Variants in TRMT6 observed in about 807,000 individuals in gnomAD.
TRMT6 encodes the protein tRNA (adenine(58)-N(1))-methyltransferase non-catalytic subunit TRM6.
TRMT6 carries 34 observed loss-of-function variants against 59.0 expected under a neutral mutation model. The observed-to-expected ratio is 0.58, with a 90% CI of 0.44 to 0.77. The LOEUF is 0.77. TRMT6 is among the 30% of genes least tolerant of loss of function. The pLI, the probability that TRMT6 is intolerant of heterozygous loss-of-function variation, is 0.00. For synonymous variants in TRMT6, 217 were observed against 210.5 expected, an observed-to-expected ratio of 1.03 and a Z score of -0.27; for missense variants, 575 against 604.5, an observed-to-expected ratio of 0.95 and a Z score of 0.51.
At chr20:5,947,757 T>TA (rs11428042) in intron 1 of TRMT6, among the ~76,000 whole-genome samples, 36,808 of 152,108 alleles carry the variant, frequency 0.24, 6,889 homozygotes, top group African/African-American at 0.52. Flanking sequence ...ACCTAGGTGC[T>TA]TTGAAACACT....
At chr20:5,942,843 C>A in intron 6 of TRMT6, 57 bp from the exon 7 acceptor site, 2 of 1,342,556 alleles carry the variant, frequency 1.5e-6, no homozygotes, top group South Asian at 2.6e-5. Context: ...ACTACGTAAA[C>A]CCTCAGTGAG....
intron 10 of TRMT6, among the ~76,000 whole-genome samples, chr20:5,938,935 T>C (rs1404309045): frequency 1.3e-5 from 2 of 148,790 alleles, no homozygotes; most frequent in Non-Finnish European, 3.0e-5. Context: ...TTCCTTCCTT[T>C]CTCTCTCTCT....
chr20:5,940,904 G>A (rs955726776), intron 10 of TRMT6, 149 bp downstream of exon 10: 5 of 660,306 alleles, frequency 7.6e-6, no homozygotes, highest in African/African-American at 3.6e-5. Flanking sequence ...CAAGCGATCT[G>A]CCTGCCTTGG....
chr20:5,946,491 G>C lies in TRMT6; in HGVS notation c.171C>G (p.Val57=). Residue 57 remains valine, a synonymous_variant, in exon 2 of 11, where the codon GTC becomes GTG. Transcript: ENST00000203001. ...ATGCAGTTCCATAACTATGGCCAATGACGTTATCCAGGTAGAACCACTGTT... is the reference window on the plus strand; with the variant it reads ...ATGCAGTTCCATAACTATGGCCAATCACGTTATCCAGGTAGAACCACTGTT... ...FEKQWFYLDN[V]IGHSYGTAFE... 6.2e-7 allele frequency: 1 copy of C among 1,614,094 alleles called. No individual in the cohort carries two copies. The highest frequency in any genetic ancestry group is 1.1e-5 in the South Asian group (1 of 91,080).
intron 1 of TRMT6, among the ~76,000 whole-genome samples, chr20:5,948,130 CA>C (rs2088723828): frequency 6.6e-6 from 1 of 152,106 alleles, no homozygotes; most frequent in Admixed American, 6.5e-5. Flanking sequence ...ACAAAACAAA[CA>C]AACAGACAAA....
At chr20:5,946,639 A>T (rs1407596174) in intron 1 of TRMT6, 106 bp from the exon 2 acceptor site, 1 of 1,007,854 alleles carries the variant, frequency 9.9e-7, no homozygotes, top group Non-Finnish European at 1.5e-6. Context: ...ATGGATGATC[A>T]GCAGCATTAT....
rs1474534700 is a variant in TRMT6 at position 5,942,772 on chromosome 20, T to C, written c.682A>G (p.Ile228Val). Reference protein sequence around the residue: ...MERMGGFGSIIQLYPGGGPVR... With the variant: ...MERMGGFGSIVQLYPGGGPVR... ...GGTCCTCCTCCAGGGTATAGCTGAATAATGGAGCCAAAACCTGAACAGATA... is the reference window on the plus strand; with the variant it reads ...GGTCCTCCTCCAGGGTATAGCTGAACAATGGAGCCAAAACCTGAACAGATA... The change falls in exon 7 of 11, where the codon ATT becomes GTT. Residue 228 changes from isoleucine to valine, a missense_variant. Physicochemically the swap from Ile to Val is conservative, Grantham distance 29. Coordinates refer to ENST00000203001, the MANE Select transcript of TRMT6 (RefSeq NM_015939.5). The C allele has an allele frequency of 1.2e-6, 2 of 1,612,540 alleles. No individual in the cohort carries two copies. The highest frequency in any genetic ancestry group is 2.7e-5 in the African/African-American group (2 of 74,640).
chr20:5,940,209 C>A (rs893393968), intron 10 of TRMT6, among the ~76,000 whole-genome samples: 1 of 152,234 alleles, frequency 6.6e-6, no homozygotes, highest in African/African-American at 2.4e-5. Flanking sequence ...CACCACCAAT[C>A]TTGCTCCCTC....
rs2088628255 is a variant in TRMT6, at chr20:5,938,620, A to G, written c.1409T>C (p.Leu470Pro). The G allele has an allele frequency of 6.2e-7, 1 of 1,614,078 alleles. No individual in the cohort carries two copies. The highest frequency in any genetic ancestry group is 1.3e-5 in the African/African-American group (1 of 74,916). ...TTCTAAAGTGCTTGCATTAGATTTG[A>G]GGCTGGTGTCTGCTTTAAGGTTGTC... ...AMDNLKADTS[L>P]KSNASTLESH... is the part of the protein sequence containing the mutation. The change falls in exon 11 of 11, where the codon CTC (leucine) becomes CCC (proline). Residue 470 changes from leucine (L) to proline (P), a missense_variant. Coordinates refer to ENST00000203001, the MANE Select transcript of TRMT6 (RefSeq NM_015939.5).
rs1383835195 is a variant in TRMT6 at position 5,938,681 on chromosome 20, C to T, written c.1348G>A (p.Gly450Arg). The stretch of plus-strand genomic sequence containing the variant: ...GTGAAGCCGGAGAGAAGATAACCCC[C>T]ACCTCCACTCATCAGCAGTTTAGGA... ...SHPKLLMSGG[G>R]GYLLSGFTVA... Residue 450 changes from glycine (G) to arginine (R), a missense_variant, in exon 11 of 11, where the codon GGG (glycine) becomes AGG (arginine). Gly to Arg is a moderately radical substitution (Grantham distance 125, BLOSUM62 -2). Coordinates refer to ENST00000203001, the MANE Select transcript of TRMT6 (RefSeq NM_015939.5). 6.2e-7 allele frequency: 1 copy of T among 1,614,210 alleles called. No homozygotes were observed. The highest frequency in any genetic ancestry group is 8.5e-7 in the Non-Finnish European group (1 of 1,180,036).
Position 5,944,146 on chromosome 20 carries a change from A to G in TRMT6, c.458+16T>C. On this transcript the variant is annotated intron_variant, in intron 4 of 10. Coordinates refer to ENST00000203001, the MANE Select transcript of TRMT6 (RefSeq NM_015939.5). ...AAGTTTAATATTGTGGGCCTTTTAAAATAAAAACTACTTACTTTTTTTTCT... is the reference window on the plus strand; with the variant it reads ...AAGTTTAATATTGTGGGCCTTTTAAGATAAAAACTACTTACTTTTTTTTCT... The G allele has an allele frequency of 1.4e-6, 2 of 1,433,316 alleles. No individual in the cohort carries two copies. The highest frequency in any genetic ancestry group is 2.8e-5 in the South Asian group (2 of 71,252). The allele number at this position is 1,433,316 out of a possible 1,614,324, so 88.8% of individuals were successfully genotyped here.
Position 5,946,393 on chromosome 20 carries a change from C to T in TRMT6, c.256+13G>A, listed in dbSNP as rs755979066. 15 of 1,614,076 alleles carry T rather than the reference C, an allele frequency of 9.3e-6. 1 individual carries two copies. In the South Asian group the frequency reaches 1.6e-4, roughly 18 times the overall value. On this transcript the variant is annotated intron_variant, in intron 2 of 10. Coordinates refer to ENST00000203001, the MANE Select transcript of TRMT6 (RefSeq NM_015939.5). Reference sequence around the variant, plus strand: ...GTTGGAGAGCATCTATTTCACGCATCCAAAATGTGCACCTGCAGTAGGCTC... The same window carrying T: ...GTTGGAGAGCATCTATTTCACGCATTCAAAATGTGCACCTGCAGTAGGCTC...
chr20:5,944,574 A>T (rs77978090), intron 3 of TRMT6, among the ~76,000 whole-genome samples: 4,872 of 152,302 alleles, frequency 0.032, 108 homozygotes, highest in Middle Eastern at 0.095. Flanking sequence ...CCTGATATGC[A>T]CTGTTATTAC....
intron 2 of TRMT6, 89 bp downstream of exon 2, chr20:5,946,317 T>C (rs2088705913): frequency 6.6e-7 from 1 of 1,511,988 alleles, no homozygotes; most frequent in Non-Finnish European, 9.1e-7. Context: ...TGGGATAGCA[T>C]GGCCTAGCAC....
At chr20:5,947,977 G>A (rs1248392536) in intron 1 of TRMT6, among the ~76,000 whole-genome samples, 1 of 152,170 alleles carries the variant, frequency 6.6e-6, no homozygotes, top group African/African-American at 2.4e-5. Context: ...CTTGAATTCA[G>A]GAGTTTCTCT....
At chr20:5,945,570 G>T (rs2088698689) in intron 2 of TRMT6, among the ~76,000 whole-genome samples, 1 of 152,202 alleles carries the variant, frequency 6.6e-6, no homozygotes, top group African/African-American at 2.4e-5. Context: ...CAACTGGTAA[G>T]CACATTTTAT....
In TRMT6 at chr20:5,942,015, G is replaced by T; in HGVS notation, c.1048C>A (p.Gln350Lys). Residue 350 changes from glutamine (Q) to lysine (K), a missense_variant, in exon 8 of 11, where the codon CAA becomes AAA. Coordinates refer to ENST00000203001, the MANE Select transcript of TRMT6 (RefSeq NM_015939.5). ...KDYIQEKQRR[Q>K]EEQRKRHLEA... Reference sequence around the variant, plus strand: ...AAATGTCTTTTCCTCTGCTCTTCTTGTCTCCTCTGTTTTTCCTGAATCTTC... The same window carrying T: ...AAATGTCTTTTCCTCTGCTCTTCTTTTCTCCTCTGTTTTTCCTGAATCTTC... The T allele has an allele frequency of 1.9e-6, 3 of 1,612,874 alleles. 1 individual carries two copies. The highest frequency in any genetic ancestry group is 2.2e-5 in the South Asian group (2 of 91,084).
At chr20:5,939,664 A>C (rs1386828689) in intron 10 of TRMT6, among the ~76,000 whole-genome samples, 1 of 151,970 alleles carries the variant, frequency 6.6e-6, no homozygotes, top group African/African-American at 2.4e-5. Context: ...CCAATAATGG[A>C]GCTTGGGTCT....
chr20:5,941,951 C>G lies in TRMT6; in HGVS notation c.1112G>C (p.Gly371Ala), dbSNP rs774472050. Residue 371 changes from glycine (G) to alanine (A), a missense_variant and splice_region_variant, in exon 8 of 11, where the codon GGT (glycine) becomes GCT (alanine). Physicochemically the swap from Gly to Ala is moderately conservative, Grantham distance 60. Transcript: ENST00000203001. The stretch of plus-strand genomic sequence containing the variant: ...CTCCTGCCTTCTTCCATCAACGCAC[C>G]CATCTGCGTTTCTTTCACTCAGCAG... ...AALLSERNAD[G>A]LIVASRFHPT... The G allele has an allele frequency of 6.2e-7, 1 of 1,611,708 alleles. No homozygotes were observed. The highest frequency in any genetic ancestry group is 8.5e-7 in the Non-Finnish European group (1 of 1,178,740).
Sources: gnomAD v4.1 joint callset for allele counts (sites outside exome capture counted in the v4.1 genomes callset) on GRCh38, gnomAD v4.1.1 for gene constraint, MANE v1.5 for transcripts, NCBI Gene and HGNC (gene_info 2026-07-23, HGNC 2026-07-21) for gene names.